The following PITPNB variants were observed in gnomAD, a reference collection of about 807,000 sequenced individuals.
The protein encoded by PITPNB is phosphatidylinositol transfer protein beta isoform.
A neutral mutation model predicts 45.9 loss-of-function variants in PITPNB; 16 were observed. The ratio of observed to expected loss-of-function variants is 0.35; its 90% CI spans 0.24 to 0.53. The LOEUF is 0.53. PITPNB is among the 20% of genes least tolerant of loss of function. The pLI, the probability that PITPNB is intolerant of heterozygous loss-of-function variation, is 0.93. For synonymous variants in PITPNB, 112 were observed against 108.9 expected, an observed-to-expected ratio of 1.03 and a Z score of -0.18; for missense variants, 188 against 330.5, an observed-to-expected ratio of 0.57 and a Z score of 3.34.
chr22:27,897,455 T>G (rs116074648), intron 4 of PITPNB, among the ~76,000 whole-genome samples: 3 of 152,216 alleles, frequency 2.0e-5, no homozygotes, highest in Non-Finnish European at 4.4e-5. Context: ...TTCAGAAGTC[T>G]GTCCTATTCC....
intron 3 of PITPNB, among the ~76,000 whole-genome samples, chr22:27,905,094 T>C (rs1935717914): frequency 6.6e-6 from 1 of 152,260 alleles, no homozygotes; most frequent in African/African-American, 2.4e-5. Context: ...GTGTCTATGA[T>C]GGCTAATTCT....
intron 11 of PITPNB, 44 bp from the exon 12 acceptor site, chr22:27,853,707 G>A: frequency 7.1e-7 from 1 of 1,404,092 alleles, no homozygotes; most frequent in Non-Finnish European, 9.9e-7. Flanking sequence ...TTAAAATACA[G>A]AGACAGGAAA....
intron 3 of PITPNB, chr22:27,910,709 G>A (rs563495497): frequency 2.8e-6 from 1 of 354,190 alleles, no homozygotes; most frequent in Admixed American, 4.1e-5. Context: ...GCTGCTTCTA[G>A]TGTTTCTCTC....
At position 27,881,991 on chromosome 22, in the gene PITPNB, C is replaced by T. The variant is rs532934663; in HGVS notation, c.457-8176G>A. 9.9e-5 allele frequency among the ~76,000 whole-genome samples: 15 copies of T among 152,200 alleles called. No individual in the cohort carries two copies. In the South Asian group the frequency reaches 2.1e-3, roughly 21 times the overall value. ...AAAGATTATTTAGAGAGTGCAATGA[C>T]GAAGTTTAGTAAAGCATGTGTTACC... is the stretch of plus-strand genomic sequence containing the variant. On this transcript the variant is annotated intron_variant, in intron 7 of 11. Transcript: ENST00000335272.
chr22:27,862,010 C>T (rs1402752190), intron 8 of PITPNB, among the ~76,000 whole-genome samples: 3 of 152,116 alleles, frequency 2.0e-5, no homozygotes, highest in Admixed American at 2.0e-4. Context: ...AGTCAAAGGC[C>T]AAAGCTGCCT....
At chr22:27,861,764 G>A (rs1934341127) in intron 8 of PITPNB, among the ~76,000 whole-genome samples, 1 of 152,178 alleles carries the variant, frequency 6.6e-6, no homozygotes, top group East Asian at 1.9e-4. Flanking sequence ...AAAAAAAAGG[G>A]ACATCATCTT....
chr22:27,878,924 C>G (rs921936539), intron 7 of PITPNB, among the ~76,000 whole-genome samples: 1 of 152,188 alleles, frequency 6.6e-6, no homozygotes, highest in Admixed American at 6.6e-5. Context: ...ATTCAGTCCT[C>G]TCATTAAACC....
At chr22:27,876,775 T>C (rs1047331534) in intron 7 of PITPNB, among the ~76,000 whole-genome samples, 3 of 152,222 alleles carry the variant, frequency 2.0e-5, no homozygotes, top group Non-Finnish European at 4.4e-5. Context: ...GCATACAGAA[T>C]GCAACCTCAG....
chr22:27,860,030 C>A, intron 9 of PITPNB, 101 bp downstream of exon 9: 1 of 677,730 alleles, frequency 1.5e-6, no homozygotes. Flanking sequence ...ATTTTCATAT[C>A]ATAAAGGAGG....
intron 8 of PITPNB, among the ~76,000 whole-genome samples, chr22:27,864,893 G>A (rs959080189): frequency 1.3e-5 from 2 of 151,180 alleles, no homozygotes; most frequent in Middle Eastern, 3.4e-3. Flanking sequence ...AGCTGAGTTC[G>A]TGCCATTGCA....
chr22:27,912,592 T>C (rs1454311884), intron 2 of PITPNB, among the ~76,000 whole-genome samples: 1 of 151,976 alleles, frequency 6.6e-6, no homozygotes. Context: ...TGACATTTCA[T>C]GGCATGCTAC....
Position 27,894,538 on chromosome 22 carries a change from C to T in PITPNB, c.456+17G>A, listed in dbSNP as rs780682647. 3 of 1,281,514 alleles carry T rather than the reference C, an allele frequency of 2.3e-6. No homozygotes were observed. The East Asian group carries it at 6.9e-5, about 30-fold the overall frequency. The allele number at this position is 1,281,514 out of a possible 1,614,324, so 79.4% of individuals were successfully genotyped here. ...CTGTAAAAGGGAACAGATTAAATGTCATTGAGTAATACTTACTGCTGGTTC... is the reference window on the plus strand; with the variant it reads ...CTGTAAAAGGGAACAGATTAAATGTTATTGAGTAATACTTACTGCTGGTTC... On this transcript the variant is annotated intron_variant, in intron 7 of 11. Transcript: ENST00000335272.
chr22:27,855,528 A>G (rs1357922678), intron 10 of PITPNB, among the ~76,000 whole-genome samples: 6 of 152,374 alleles, frequency 3.9e-5, no homozygotes, highest in Admixed American at 3.3e-4. Context: ...GACAAGTGAC[A>G]CCACTCAATG....
At chr22:27,862,178 C>A (rs1282392975) in intron 8 of PITPNB, among the ~76,000 whole-genome samples, 1 of 152,106 alleles carries the variant, frequency 6.6e-6, no homozygotes, top group Non-Finnish European at 1.5e-5. Context: ...CAAAAAGCTG[C>A]GTGTGAGCAA....
intron 8 of PITPNB, among the ~76,000 whole-genome samples, chr22:27,867,173 T>C (rs1433678727): frequency 1.3e-5 from 2 of 152,176 alleles, no homozygotes; most frequent in African/African-American, 4.8e-5. Context: ...ACCTCCCTGC[T>C]TGGCACTGAC....
At chr22:27,883,462 A>G (rs967275457) in intron 7 of PITPNB, among the ~76,000 whole-genome samples, 1 of 152,248 alleles carries the variant, frequency 6.6e-6, no homozygotes, top group Non-Finnish European at 1.5e-5. Flanking sequence ...AATCTTCACC[A>G]TTAATAATGT....
rs141618989 is a variant in PITPNB at position 27,909,636 on chromosome 22, T to C, written c.197+1328A>G. ...AAAAGAAAAATATGGAAAAATACTA[T>C]CAAACTCTTGAAGGGCAATTTTGGC... On this transcript the variant is annotated intron_variant, in intron 3 of 11. Transcript: ENST00000335272. Among the ~76,000 whole-genome samples, 158 of 152,276 alleles carry C rather than the reference T, an allele frequency of 1.0e-3. 1 individual carries two copies. Among genetic ancestry groups the C allele is most frequent in the South Asian group, 1.9e-3 (9 of 4,822 alleles).
At chr22:27,860,897 G>C (rs142607416) in intron 8 of PITPNB, among the ~76,000 whole-genome samples, 1 of 152,026 alleles carries the variant, frequency 6.6e-6, no homozygotes, top group Non-Finnish European at 1.5e-5. Context: ...TTTTTAAAGA[G>C]CCAAGAGATG....
chr22:27,915,895 G>T (rs1009154503), intron 1 of PITPNB, among the ~76,000 whole-genome samples: 3 of 152,106 alleles, frequency 2.0e-5, no homozygotes, highest in Non-Finnish European at 4.4e-5. Context: ...CAAAAGGTTG[G>T]TCCAAGAGGT....
Sources: allele counts gnomAD v4.1 joint callset (sites outside exome capture counted in the v4.1 genomes callset), GRCh38; gene constraint gnomAD v4.1.1; transcripts MANE v1.5; gene names NCBI Gene and HGNC (gene_info 2026-07-23, HGNC 2026-07-21).